The following RALYL variants were observed in gnomAD, a reference collection of about 807,000 sequenced individuals.
RALYL encodes RNA-binding Raly-like protein.
In RALYL, 29 loss-of-function variants were observed where a neutral mutation model predicts 35.1. The ratio of observed to expected loss-of-function variants is 0.83; its 90% CI spans 0.61 to 1.13. The LOEUF is 1.13. Ranked by LOEUF, RALYL falls within the 50% of genes most tolerant of loss-of-function variation. The pLI, the probability that RALYL is intolerant of heterozygous loss-of-function variation, is 0.00. For missense variants in RALYL, 359 were observed against 360.4 expected (o/e 1.00, Z 0.03); for synonymous variants, 120 against 127.6 (o/e 0.94, Z 0.40).
intron 1 of RALYL, among the ~76,000 whole-genome samples, chr8:84,208,458 A>T (rs997753205): frequency 3.3e-5 from 5 of 152,058 alleles, no homozygotes; most frequent in Non-Finnish European, 7.4e-5. Flanking sequence ...TTTTTTAACT[A>T]ATCAGTAAAT....
At position 84,244,208 on chromosome 8, in the gene RALYL, T is replaced by C. The variant is rs763303257; in HGVS notation, c.-24+59784T>C. ...CATTATCCCATTTAGTGGATGAGTA[T>C]ATTAAGATTCAGCTAAGGTTAAGTG... On this transcript the variant is annotated intron_variant, in intron 1 of 8. Transcript: ENST00000521268. Among the ~76,000 whole-genome samples, 3 of 152,174 alleles carry C rather than the reference T, an allele frequency of 2.0e-5. No homozygotes were observed. The South Asian group carries it at 6.2e-4, about 31-fold the overall frequency.
At chr8:84,287,581 T>C (rs796620114) in intron 1 of RALYL, among the ~76,000 whole-genome samples, 1 of 150,766 alleles carries the variant, frequency 6.6e-6, no homozygotes, top group African/African-American at 2.4e-5. Flanking sequence ...TAGAAGGAAA[T>C]GGTCTGGAAG....
At chr8:84,645,614 T>G (rs1827321288) in intron 2 of RALYL, among the ~76,000 whole-genome samples, 1 of 152,112 alleles carries the variant, frequency 6.6e-6, no homozygotes, top group Non-Finnish European at 1.5e-5. Flanking sequence ...TAGTCTCAGT[T>G]CTTTGTCTTA....
chr8:84,526,187 T>C (rs1286562491), intron 1 of RALYL, among the ~76,000 whole-genome samples: 1 of 152,082 alleles, frequency 6.6e-6, no homozygotes, highest in African/African-American at 2.4e-5. Flanking sequence ...ACTCCTGACC[T>C]CAAGCCATCT....
At chr8:84,488,509 C>T (rs1367502679) in intron 1 of RALYL, among the ~76,000 whole-genome samples, 2 of 151,994 alleles carry the variant, frequency 1.3e-5, no homozygotes, top group Non-Finnish European at 2.9e-5. Flanking sequence ...TCTGTGGGTT[C>T]TGATGTGGAC....
At chr8:84,876,050 C>G (rs541761780) in intron 7 of RALYL, among the ~76,000 whole-genome samples, 2 of 152,166 alleles carry the variant, frequency 1.3e-5, no homozygotes, top group East Asian at 3.9e-4. Flanking sequence ...GAAGCGAACT[C>G]CTAAGCTCTC....
At chr8:84,309,127 A>G (rs1385642392) in intron 1 of RALYL, among the ~76,000 whole-genome samples, 2 of 151,496 alleles carry the variant, frequency 1.3e-5, no homozygotes, top group African/African-American at 4.8e-5. Flanking sequence ...ACAAAATCAC[A>G]TTCTTATTAT....
intron 1 of RALYL, among the ~76,000 whole-genome samples, chr8:84,506,985 A>G (rs2057223246): frequency 6.6e-6 from 1 of 152,236 alleles, no homozygotes; most frequent in African/African-American, 2.4e-5. Context: ...TAAGACTGTC[A>G]TCTAGCTGGC....
At chr8:84,344,840 C>T (rs1028908831) in intron 1 of RALYL, among the ~76,000 whole-genome samples, 1 of 151,950 alleles carries the variant, frequency 6.6e-6, no homozygotes, top group Non-Finnish European at 1.5e-5. Context: ...TAATGTCTTC[C>T]AGGTTCATTC....
At position 84,882,651 on chromosome 8, in the gene RALYL, A is replaced by C. The variant is rs965978022; in HGVS notation, c.686-4953A>C. On this transcript the variant is annotated intron_variant, in intron 7 of 8. Coordinates refer to ENST00000521268, the MANE Select transcript of RALYL (RefSeq NM_173848.7). ...TAACTTGTGATTAAGGGTCTGAGTTAGCCACCAGGTAAACAAAGATGAATA... is the reference window on the plus strand; with the variant it reads ...TAACTTGTGATTAAGGGTCTGAGTTCGCCACCAGGTAAACAAAGATGAATA... Among the ~76,000 whole-genome samples the C allele has an allele frequency of 5.3e-5, 8 of 152,160 alleles. No homozygotes were observed. In the East Asian group the frequency reaches 1.5e-3, roughly 29 times the overall value.
intron 1 of RALYL, among the ~76,000 whole-genome samples, chr8:84,495,582 T>G (rs1564031469): frequency 6.6e-6 from 1 of 152,102 alleles, no homozygotes; most frequent in Non-Finnish European, 1.5e-5. Flanking sequence ...TACGGAAGCT[T>G]TTAGAAACAG....
chr8:84,369,771 T>C (rs1310106136), intron 1 of RALYL, among the ~76,000 whole-genome samples: 1 of 152,142 alleles, frequency 6.6e-6, no homozygotes, highest in Non-Finnish European at 1.5e-5. Flanking sequence ...TAAGTAGTTA[T>C]AGGAAAGTGC....
intron 2 of RALYL, among the ~76,000 whole-genome samples, chr8:84,652,150 A>G (rs1828976961): frequency 6.6e-6 from 1 of 152,084 alleles, no homozygotes; most frequent in South Asian, 2.1e-4. Context: ...ACAGCACTGG[A>G]CTATAATTGT....
At chr8:84,911,716 T>C (rs1186179067) in intron 8 of RALYL, among the ~76,000 whole-genome samples, 2 of 152,158 alleles carry the variant, frequency 1.3e-5, no homozygotes, top group Non-Finnish European at 2.9e-5. Flanking sequence ...CCCAGCTTTT[T>C]ACCTGTGCTC....
rs1036326337 is a variant in RALYL, at chr8:84,369,549, G to A, written c.-23-159750G>A. On this transcript the variant is annotated intron_variant, in intron 1 of 8. Transcript: ENST00000521268. The stretch of plus-strand genomic sequence containing the variant: ...GAAGGACATTCAAAGAGCTTCAGGG[G>A]GGTAGGTTGTGGAAGACATTACTAG... 4.6e-5 allele frequency among the ~76,000 whole-genome samples: 7 copies of A among 152,076 alleles called. No homozygotes were observed. In the South Asian group the frequency reaches 1.5e-3, roughly 32 times the overall value.
At chr8:84,430,386 G>T (rs556229820) in intron 1 of RALYL, among the ~76,000 whole-genome samples, 1 of 152,160 alleles carries the variant, frequency 6.6e-6, no homozygotes, top group Non-Finnish European at 1.5e-5. Context: ...TTGCTTTATG[G>T]AATTTCTTTT....
At chr8:84,432,890 C>CT (rs1587202094) in intron 1 of RALYL, among the ~76,000 whole-genome samples, 1 of 152,102 alleles carries the variant, frequency 6.6e-6, no homozygotes, top group African/African-American at 2.4e-5. Flanking sequence ...CAATTTCAGA[C>CT]TTCTATCCTC....
At chr8:84,346,175 T>G (rs1849797144) in intron 1 of RALYL, 12 of 505,918 alleles carry the variant, frequency 2.4e-5, no homozygotes, top group Non-Finnish European at 3.1e-5. Flanking sequence ...AATGTTTGAA[T>G]AAAATATTGC....
intron 1 of RALYL, among the ~76,000 whole-genome samples, chr8:84,200,403 T>C (rs1473330331): frequency 6.6e-6 from 1 of 152,142 alleles, no homozygotes; most frequent in Non-Finnish European, 1.5e-5. Context: ...AATTAAAAAG[T>C]AATTTTAAGA....
Sources: allele counts gnomAD v4.1 joint callset (sites outside exome capture counted in the v4.1 genomes callset), GRCh38; gene constraint gnomAD v4.1.1; transcripts MANE v1.5; gene names NCBI Gene and HGNC (gene_info 2026-07-23, HGNC 2026-07-21).